Variants in WWOX observed in about 807,000 individuals in gnomAD.
The protein encoded by WWOX is WW domain-containing oxidoreductase.
WWOX carries 69 observed loss-of-function variants against 46.2 expected under a neutral mutation model. That is an observed-to-expected ratio of 1.49 (90% CI 1.23 to 1.82). The LOEUF (loss-of-function observed/expected upper bound fraction) is 1.82, where lower values mean the gene tolerates loss of function less well. Ranked by LOEUF, WWOX falls within the 40% of genes most tolerant of loss-of-function variation. The probability of loss-of-function intolerance (pLI) is 0.00; values close to 1 mark genes in which losing one functional copy is unlikely to be tolerated. For missense variants in WWOX, 919 were observed against 542.6 expected (o/e 1.69, Z -6.89); for synonymous variants, 359 against 202.6 (o/e 1.77, Z -6.56).
intron 8 of WWOX, among the ~76,000 whole-genome samples, chr16:78,451,261 A>G (rs1167563607): frequency 2.0e-5 from 3 of 152,138 alleles, no homozygotes; most frequent in Non-Finnish European, 4.4e-5. Flanking sequence ...TGAAGATATG[A>G]AATGTATTTG....
chr16:78,487,539 C>G (rs1053413929), intron 8 of WWOX, among the ~76,000 whole-genome samples: 1 of 152,160 alleles, frequency 6.6e-6, no homozygotes, highest in Non-Finnish European at 1.5e-5. Flanking sequence ...TTGGGACTTA[C>G]TGCAGATGCT....
chr16:78,481,635 G>GAAAAA (rs373734150), intron 8 of WWOX, among the ~76,000 whole-genome samples: 3 of 123,232 alleles, frequency 2.4e-5, no homozygotes, highest in African/African-American at 7.8e-5. Context: ...ATGGAATTGT[G>GAAAAA]AAAAAAAAAA....
intron 8 of WWOX, among the ~76,000 whole-genome samples, chr16:79,109,717 C>G (rs569182946): frequency 3.2e-4 from 49 of 152,222 alleles, no homozygotes; most frequent in African/African-American, 1.1e-3. Context: ...TAGAACAACT[C>G]CTTGCTTTTT....
intron 8 of WWOX, among the ~76,000 whole-genome samples, chr16:78,930,940 A>G (rs1235982574): frequency 6.6e-6 from 1 of 152,166 alleles, no homozygotes; most frequent in Non-Finnish European, 1.5e-5. Flanking sequence ...ATCACTAACT[A>G]GTACCCTTAT....
intron 6 of WWOX, 109 bp downstream of exon 6, chr16:78,387,057 C>A: frequency 1.8e-6 from 2 of 1,117,692 alleles, no homozygotes; most frequent in Non-Finnish European, 2.7e-6. Flanking sequence ...TCTTGGCGTC[C>A]AAACAGGAGG....
intron 4 of WWOX, among the ~76,000 whole-genome samples, chr16:78,129,804 A>G (rs2033515717): frequency 6.6e-6 from 1 of 151,946 alleles, no homozygotes; most frequent in Non-Finnish European, 1.5e-5. Context: ...CAGAATGAGT[A>G]TTGTAGACTA....
intron 8 of WWOX, among the ~76,000 whole-genome samples, chr16:78,836,577 G>T (rs1195849246): frequency 6.6e-6 from 1 of 152,172 alleles, no homozygotes; most frequent in Non-Finnish European, 1.5e-5. Flanking sequence ...GCATTCCTCA[G>T]TTCCTGCACT....
intron 8 of WWOX, among the ~76,000 whole-genome samples, chr16:78,474,928 A>C (rs578104391): frequency 6.6e-6 from 1 of 152,212 alleles, no homozygotes; most frequent in Non-Finnish European, 1.5e-5. Flanking sequence ...TCTTACAAAT[A>C]CATTTTTCAA....
chr16:78,546,948 G>A (rs1162362404), intron 8 of WWOX, among the ~76,000 whole-genome samples: 1 of 151,820 alleles, frequency 6.6e-6, no homozygotes, highest in African/African-American at 2.4e-5. Flanking sequence ...GCAACATGGT[G>A]AAACCCTACC....
intron 8 of WWOX, among the ~76,000 whole-genome samples, chr16:79,109,596 T>C (rs979263586): frequency 6.6e-6 from 1 of 152,200 alleles, no homozygotes; most frequent in African/African-American, 2.4e-5. Flanking sequence ...TAAACAAGCC[T>C]TGTTCATTTT....
At chr16:78,924,976 G>T (rs768630970) in intron 8 of WWOX, among the ~76,000 whole-genome samples, 4 of 152,146 alleles carry the variant, frequency 2.6e-5, no homozygotes, top group African/African-American at 4.8e-5. Context: ...GGGAGGATCA[G>T]TTGAGCTCAG....
At chr16:78,131,817 C>G (rs551248495) in intron 4 of WWOX, among the ~76,000 whole-genome samples, 1 of 151,742 alleles carries the variant, frequency 6.6e-6, no homozygotes, top group East Asian at 2.0e-4. Flanking sequence ...AACTCCTGAC[C>G]TCGTGATCCT....
intron 8 of WWOX, among the ~76,000 whole-genome samples, chr16:78,579,538 G>T (rs575254093): frequency 6.6e-6 from 1 of 152,244 alleles, no homozygotes; most frequent in African/African-American, 2.4e-5. Flanking sequence ...AGGATGCTAG[G>T]TGAGGTGCTG....
At chr16:78,295,463 G>A (rs1467608628) in intron 5 of WWOX, among the ~76,000 whole-genome samples, 1 of 152,202 alleles carries the variant, frequency 6.6e-6, no homozygotes, top group Non-Finnish European at 1.5e-5. Flanking sequence ...TGTAATCCTA[G>A]CACTTTTGGA....
chr16:78,630,178 G>A (rs114020902), intron 8 of WWOX, among the ~76,000 whole-genome samples: 145 of 152,328 alleles, frequency 9.5e-4, no homozygotes, highest in African/African-American at 3.3e-3. Flanking sequence ...ATGGCGTGAT[G>A]ATTGTGTATT....
chr16:78,485,633 G>A (rs1413502039), intron 8 of WWOX, among the ~76,000 whole-genome samples: 2 of 152,186 alleles, frequency 1.3e-5, no homozygotes, highest in Admixed American at 6.5e-5. Context: ...TGTGTTGAAA[G>A]AGCACTGCCC....
At chr16:78,621,307 A>C (rs1003314945) in intron 8 of WWOX, among the ~76,000 whole-genome samples, 3 of 152,010 alleles carry the variant, frequency 2.0e-5, no homozygotes, top group Non-Finnish European at 4.4e-5. Flanking sequence ...CTATCTTTTC[A>C]TGCCCCCTTC....
chr16:78,749,213 G>A (rs1371704858), intron 8 of WWOX, among the ~76,000 whole-genome samples: 1 of 152,086 alleles, frequency 6.6e-6, no homozygotes, highest in Non-Finnish European at 1.5e-5. Context: ...ATCACACACA[G>A]ACTACTGTTT....
At chr16:79,165,248 C>T (rs367709382) in intron 8 of WWOX, among the ~76,000 whole-genome samples, 10 of 152,146 alleles carry the variant, frequency 6.6e-5, no homozygotes, top group East Asian at 3.9e-4. Context: ...TAACGGCTTC[C>T]GGCATCCAAT....
Sources: gnomAD v4.1 joint callset for allele counts (sites outside exome capture counted in the v4.1 genomes callset) on GRCh38, gnomAD v4.1.1 for gene constraint, MANE v1.5 for transcripts, NCBI Gene and HGNC (gene_info 2026-07-23, HGNC 2026-07-21) for gene names.